CACNA1A: variants seen among roughly 807,000 people sequenced by gnomAD.
CACNA1A encodes the protein voltage-dependent P/Q-type calcium channel subunit alpha-1A.
Under a neutral mutation model 262.4 loss-of-function variants are expected in CACNA1A, and 57 were observed. That is an observed-to-expected ratio of 0.22 (90% CI 0.18 to 0.27). The LOEUF is 0.27. Among genes scored for constraint, CACNA1A ranks in the 10% least tolerant of loss-of-function variants. The probability of loss-of-function intolerance (pLI) is 1.00; values close to 1 mark genes in which losing one functional copy is unlikely to be tolerated. For synonymous variants in CACNA1A, 1,431 were observed against 1,419.3 expected (o/e 1.01, Z -0.18); for missense variants, 2,526 against 3,562.8 (o/e 0.71, Z 7.41).
chr19:13,487,540 T>C (rs926116005), intron 1 of CACNA1A, among the ~76,000 whole-genome samples: 6 of 151,994 alleles, frequency 3.9e-5, no homozygotes, highest in African/African-American at 1.4e-4. Flanking sequence ...GGGTCTCCTT[T>C]TTGGGGTCTT....
At chr19:13,351,797 C>T (rs925589127) in intron 6 of CACNA1A, among the ~76,000 whole-genome samples, 8 of 152,024 alleles carry the variant, frequency 5.3e-5, no homozygotes, top group Admixed American at 2.0e-4. Flanking sequence ...CGTGAGCCAC[C>T]GCATCTGGCT....
chr19:13,478,386 T>A (rs1225840153), intron 1 of CACNA1A, among the ~76,000 whole-genome samples: 1 of 152,102 alleles, frequency 6.6e-6, no homozygotes, highest in East Asian at 1.9e-4. Context: ...CAGGACGCGA[T>A]CACTCACTGC....
intron 10 of CACNA1A, among the ~76,000 whole-genome samples, chr19:13,326,788 CAAAAA>C (rs527327502): frequency 7.7e-6 from 1 of 129,478 alleles, no homozygotes; most frequent in Non-Finnish European, 1.7e-5. Flanking sequence ...GACACTGTCT[CAAAAA>C]AAAAAAAAAA....
At chr19:13,285,723 A>G (rs1373979462) in intron 20 of CACNA1A, among the ~76,000 whole-genome samples, 1 of 152,092 alleles carries the variant, frequency 6.6e-6, no homozygotes, top group Non-Finnish European at 1.5e-5. Context: ...GGGAGGAGCC[A>G]TCAGCCTCTG....
In CACNA1A at chr19:13,300,453, C is replaced by A. The variant is rs1260337635; in HGVS notation, c.2279+97G>T. ...AAGTGTCTCTTCCTAAAGCTCAGTT[C>A]TGTCAAGGACCACCCCCACTGCTTC... is the stretch of plus-strand genomic sequence containing the variant. On this transcript the variant is annotated intron_variant, in intron 18 of 46. Transcript: ENST00000360228. 5 of 806,480 alleles carry A rather than the reference C, an allele frequency of 6.2e-6. No homozygotes were observed. In the Admixed American group the frequency reaches 7.7e-5, roughly 12 times the overall value. 50.0% of individuals were successfully genotyped at this position (806,480 alleles called of 1,614,324 possible). A position where few individuals can be genotyped will look rare whatever the true frequency, so the allele number is the denominator to read the frequency against.
chr19:13,259,412 T>G, intron 27 of CACNA1A, 152 bp downstream of exon 27: 1 of 361,738 alleles, frequency 2.8e-6, no homozygotes, highest in East Asian at 5.1e-5. Context: ...CCTCAAGTGA[T>G]ACATCTGCCT....
At chr19:13,378,468 C>T (rs1230607882) in intron 3 of CACNA1A, among the ~76,000 whole-genome samples, 3 of 152,024 alleles carry the variant, frequency 2.0e-5, no homozygotes, top group Non-Finnish European at 4.4e-5. Flanking sequence ...AAGGAAGAGT[C>T]GATGGATGCG....
chr19:13,343,224 T>G (rs2058706144), intron 6 of CACNA1A, among the ~76,000 whole-genome samples: 1 of 151,916 alleles, frequency 6.6e-6, no homozygotes, highest in Non-Finnish European at 1.5e-5. Context: ...TGGGTCCAAG[T>G]GATTCTCTGC....
chr19:13,336,114 A>T (rs1006282164), intron 6 of CACNA1A, among the ~76,000 whole-genome samples: 2 of 152,194 alleles, frequency 1.3e-5, no homozygotes, highest in African/African-American at 4.8e-5. Context: ...GCTCTCTCTT[A>T]ATTATGTTCT....
intron 3 of CACNA1A, among the ~76,000 whole-genome samples, chr19:13,413,637 G>C (rs1376950304): frequency 6.8e-6 from 1 of 147,714 alleles, no homozygotes; most frequent in Non-Finnish European, 1.5e-5. Context: ...CCAACACTTT[G>C]GGAGGCTGAG....
chr19:13,482,276 G>C (rs1239438352), intron 1 of CACNA1A, among the ~76,000 whole-genome samples: 1 of 151,894 alleles, frequency 6.6e-6, no homozygotes, highest in African/African-American at 2.4e-5. Context: ...ACGAGGTCAG[G>C]AGATCGAGAC....
rs1555730624 is a variant in CACNA1A, at chr19:13,208,899, G to A, written c.6637C>T (p.His2213Tyr). The change falls in exon 46 of 47, where the codon CAC becomes TAC. Residue 2213 changes from histidine (H) to tyrosine (Y), a missense_variant. By Grantham distance (83) the His-to-Tyr change is moderately conservative. Coordinates refer to ENST00000360228, the MANE Select transcript of CACNA1A (RefSeq NM_001127222.2). The stretch of plus-strand genomic sequence containing the variant: ...GGGGGATGGTGGTGGTGGTGGTGGT[G>A]GTGGTGGTGCTGTCGATGCTTCCGA... The part of the protein sequence containing the change: ...KDRKHRQHHH[H>Y]HHHHHHPPPP... 6.5e-7 allele frequency: 1 copy of A among 1,536,600 alleles called. No homozygotes were observed. Among genetic ancestry groups the A allele is most frequent in the Non-Finnish European group, 8.7e-7 (1 of 1,146,812 alleles).
chr19:13,388,402 C>T (rs904819399), intron 3 of CACNA1A, among the ~76,000 whole-genome samples: 7 of 151,852 alleles, frequency 4.6e-5, no homozygotes, highest in South Asian at 4.2e-4. Context: ...ATTACAGGCA[C>T]ATGCCACCAT....
intron 1 of CACNA1A, among the ~76,000 whole-genome samples, chr19:13,464,921 T>C (rs1371995193): frequency 6.6e-6 from 1 of 151,772 alleles, no homozygotes. Context: ...TTTCTTTTCT[T>C]TTCTCTTCTC....
Position 13,219,259 on chromosome 19 carries a change from C to T in CACNA1A, c.5732-4651G>A, listed in dbSNP as rs575507236. Among the ~76,000 whole-genome samples the T allele has an allele frequency of 4.6e-3, 701 of 151,498 alleles. 1 individual carries two copies. Among genetic ancestry groups the T allele is most frequent in the Non-Finnish European group, 7.4e-3 (504 of 67,896 alleles). On this transcript the variant is annotated intron_variant, in intron 38 of 46. Transcript: ENST00000360228. ...GTTTCACCATGTTGGTCAGGCTGGT[C>T]TTGAACTCGTGACCTCAAGTGATCT...
At position 13,298,562 on chromosome 19, in the gene CACNA1A, C is replaced by G; in HGVS notation, c.3071G>C (p.Arg1024Pro). ...CACTTACTTCCTCCTCCGATGCCTCCGCTCCTTGTCCTCCCTCCGCGCGTC... is the reference window on the plus strand; with the variant it reads ...CACTTACTTCCTCCTCCGATGCCTCGGCTCCTTGTCCTCCCTCCGCGCGTC... ...EGDARREDKE[R>P]RHRRRKENQG... is the part of the protein sequence containing the mutation. The change falls in exon 19 of 47, where the codon CGG becomes CCG. Residue 1024 changes from arginine to proline, a missense_variant. Transcript: ENST00000360228. The G allele has an allele frequency of 6.5e-7, 1 of 1,543,392 alleles. No homozygotes were observed. Among genetic ancestry groups the G allele is most frequent in the Non-Finnish European group, 8.7e-7 (1 of 1,142,926 alleles).
chr19:13,389,113 G>A (rs1258980727), intron 3 of CACNA1A, among the ~76,000 whole-genome samples: 2 of 152,286 alleles, frequency 1.3e-5, no homozygotes, highest in Admixed American at 1.3e-4. Flanking sequence ...ATGTTGGCCA[G>A]GCTGGTCTCG....
intron 2 of CACNA1A, 70 bp from the exon 3 acceptor site, chr19:13,453,085 C>T: frequency 1.3e-6 from 2 of 1,549,032 alleles, no homozygotes; most frequent in East Asian, 4.5e-5. Flanking sequence ...GGAACCAGCC[C>T]ACCTAGAAAT....
chr19:13,431,149 G>C (rs952592908), intron 3 of CACNA1A, among the ~76,000 whole-genome samples: 1 of 151,998 alleles, frequency 6.6e-6, no homozygotes, highest in Non-Finnish European at 1.5e-5. Context: ...AGAGGAGCCA[G>C]GTCCTGACTC....
Sources: allele counts gnomAD v4.1 joint callset (sites outside exome capture counted in the v4.1 genomes callset), GRCh38; gene constraint gnomAD v4.1.1; transcripts MANE v1.5; gene names NCBI Gene and HGNC (gene_info 2026-07-23, HGNC 2026-07-21).